TNFRSF10D: variants seen among roughly 807,000 people sequenced by gnomAD.
TNFRSF10D encodes the protein tumor necrosis factor receptor superfamily member 10D.
TNFRSF10D carries 28 observed loss-of-function variants against 42.1 expected under a neutral mutation model. The observed-to-expected ratio is 0.66, with a 90% CI of 0.49 to 0.91. The LOEUF (loss-of-function observed/expected upper bound fraction) is 0.91, where lower values mean the gene tolerates loss of function less well. Ranked by LOEUF, TNFRSF10D falls within the 40% of genes least tolerant of loss-of-function variation. The pLI is 0.00. For missense variants in TNFRSF10D, 503 were observed against 486.1 expected (o/e 1.03, Z -0.33); for synonymous variants, 186 against 189.4 (o/e 0.98, Z 0.15).
At chr8:23,147,116 T>G (rs3924519) in intron 3 of TNFRSF10D, 44 bp from the exon 4 acceptor site, 3 of 1,541,062 alleles carry the variant, frequency 1.9e-6, no homozygotes, top group Non-Finnish European at 2.7e-6. Context: ...TTCCCTGACA[T>G]GTCTGTCCAC....
At chr8:23,148,382 TC>T (rs1800156869) in intron 3 of TNFRSF10D, 55 bp downstream of exon 3, 4 of 1,408,332 alleles carry the variant, frequency 2.8e-6, no homozygotes, top group Non-Finnish European at 4.0e-6. Flanking sequence ...CGGCTACAGC[TC>T]CCACCTCATC....
At chr8:23,146,060 C>G in intron 4 of TNFRSF10D, 139 bp from the exon 5 acceptor site, 1 of 1,144,340 alleles carries the variant, frequency 8.7e-7, no homozygotes, top group South Asian at 1.4e-5. Flanking sequence ...AGTGGGTCCC[C>G]CTGTGCTCCC....
In TNFRSF10D at chr8:23,137,514, A is replaced by T. The variant is rs1814353841; in HGVS notation, c.*356T>A. On this transcript the variant is annotated 3_prime_UTR_variant, in exon 9 of 9. Coordinates refer to ENST00000312584, the MANE Select transcript of TNFRSF10D (RefSeq NM_003840.5). ...GAGATGGAGTTTCACTGTGTTGATG[A>T]GGCTGGTCTCAAACTCCCGAGCTCA... 1 of 172,734 alleles carries T rather than the reference A, an allele frequency of 5.8e-6. No homozygotes were observed. Among genetic ancestry groups the T allele is most frequent in the African/African-American group, 2.4e-5 (1 of 42,048 alleles). The allele number at this position is 172,734 out of a possible 1,614,324, so 10.7% of individuals were successfully genotyped here. A position where few individuals can be genotyped will look rare whatever the true frequency, so the allele number is the denominator to read the frequency against.
chr8:23,152,057 G>T (rs1204105300), intron 2 of TNFRSF10D, among the ~76,000 whole-genome samples: 1 of 150,298 alleles, frequency 6.7e-6, no homozygotes, highest in South Asian at 2.1e-4. Context: ...CAGTAGACCT[G>T]GTGGCTCTTG....
chr8:23,138,701 T>C (rs1175411412), intron 7 of TNFRSF10D, among the ~76,000 whole-genome samples: 2 of 152,198 alleles, frequency 1.3e-5, no homozygotes, highest in Non-Finnish European at 2.9e-5. Flanking sequence ...AGACTGTAAA[T>C]GATCTTTGAT....
intron 2 of TNFRSF10D, among the ~76,000 whole-genome samples, chr8:23,148,919 G>A (rs368227344): frequency 2.6e-5 from 4 of 151,190 alleles, no homozygotes; most frequent in South Asian, 2.1e-4. Flanking sequence ...GGCCAGGCAC[G>A]GTGGCTCACG....
chr8:23,163,115 T>C (rs1288586292), intron 1 of TNFRSF10D, among the ~76,000 whole-genome samples: 1 of 99,642 alleles, frequency 1.0e-5, no homozygotes, highest in African/African-American at 3.3e-5. Flanking sequence ...TTTTTTTTTT[T>C]TGAGACGGAG....
chr8:23,160,932 C>G (rs541312376), intron 1 of TNFRSF10D, among the ~76,000 whole-genome samples: 4 of 152,380 alleles, frequency 2.6e-5, no homozygotes, highest in South Asian at 2.1e-4. Flanking sequence ...CTCACTTGAA[C>G]TCTGGCTCCT....
intron 1 of TNFRSF10D, among the ~76,000 whole-genome samples, chr8:23,155,635 C>T (rs1251592183): frequency 6.6e-6 from 1 of 151,480 alleles, no homozygotes; most frequent in African/African-American, 2.4e-5. Flanking sequence ...AGGAGAACGG[C>T]GTGAACCCAG....
intron 7 of TNFRSF10D, among the ~76,000 whole-genome samples, chr8:23,140,159 T>A (rs921318252): frequency 3.9e-5 from 6 of 152,132 alleles, no homozygotes; most frequent in Middle Eastern, 3.4e-3. Flanking sequence ...CGTGGCAGTG[T>A]GCGCCTGTAA....
intron 1 of TNFRSF10D, among the ~76,000 whole-genome samples, chr8:23,161,250 C>T (rs1037152687): frequency 6.6e-6 from 1 of 152,250 alleles, no homozygotes; most frequent in Non-Finnish European, 1.5e-5. Context: ...AGGGGAAGCA[C>T]AGCAGGGCCC....
rs989517276 is a variant in TNFRSF10D at position 23,135,719 on chromosome 8, C to T, written c.*2151G>A. ...CAAATCAACCAACGCCAAAAAACCCCAACAATTTCATGTTGTCAGGAAGCT... is the reference window on the plus strand; with the variant it reads ...CAAATCAACCAACGCCAAAAAACCCTAACAATTTCATGTTGTCAGGAAGCT... On this transcript the variant is annotated 3_prime_UTR_variant, in exon 9 of 9. Transcript: ENST00000312584. The T allele has an allele frequency of 3.5e-6, 1 of 289,792 alleles. No individual in the cohort carries two copies. The highest frequency in any genetic ancestry group is 2.2e-5 in the African/African-American group (1 of 45,434). The allele number at this position is 289,792 out of a possible 1,614,324, so 18.0% of individuals were successfully genotyped here.
At chr8:23,162,010 C>G (rs890897338) in intron 1 of TNFRSF10D, among the ~76,000 whole-genome samples, 1 of 152,000 alleles carries the variant, frequency 6.6e-6, no homozygotes, top group Non-Finnish European at 1.5e-5. Context: ...TATATCCCAT[C>G]GGGATGGGAT....
At chr8:23,156,587 C>G (rs960853102) in intron 1 of TNFRSF10D, among the ~76,000 whole-genome samples, 2 of 148,282 alleles carry the variant, frequency 1.3e-5, no homozygotes, top group Admixed American at 1.3e-4. Context: ...TTTTTGGAGA[C>G]GGGATCTCCC....
In TNFRSF10D at chr8:23,135,854, T is replaced by C. The variant is rs7957; in HGVS notation, c.*2016A>G. On this transcript the variant is annotated 3_prime_UTR_variant, in exon 9 of 9. Transcript: ENST00000312584. ...GAGCTGGGACCGGACTGGCTCTCTCTGAGCTTTGAGACCAAGTCTCCTGCA... is the reference window on the plus strand; with the variant it reads ...GAGCTGGGACCGGACTGGCTCTCTCCGAGCTTTGAGACCAAGTCTCCTGCA... 0.22 allele frequency: 97,964 copies of C among 449,508 alleles called. 11,598 individuals carry two copies. The highest frequency in any genetic ancestry group is 0.4 in the East Asian group (5,738 of 14,298). 27.8% of individuals were successfully genotyped at this position (449,508 alleles called of 1,614,324 possible). A position where few individuals can be genotyped will look rare whatever the true frequency, so the allele number is the denominator to read the frequency against.
At position 23,144,432 on chromosome 8, in the gene TNFRSF10D, A is replaced by G; in HGVS notation, c.954+18T>C. On this transcript the variant is annotated intron_variant, in intron 7 of 8. Coordinates refer to ENST00000312584, the MANE Select transcript of TNFRSF10D (RefSeq NM_003840.5). ...GCAGGCTGCACGCCAGGCAGGGCACAGTCCCTCCTCAACTCACCAGCAGAC... is the reference window on the plus strand; with the variant it reads ...GCAGGCTGCACGCCAGGCAGGGCACGGTCCCTCCTCAACTCACCAGCAGAC... The G allele has an allele frequency of 1.2e-6, 2 of 1,610,720 alleles. No individual in the cohort carries two copies. The highest frequency in any genetic ancestry group is 2.7e-5 in the African/African-American group (2 of 75,030).
At chr8:23,156,436 C>A (rs150432100) in intron 1 of TNFRSF10D, among the ~76,000 whole-genome samples, 1 of 152,282 alleles carries the variant, frequency 6.6e-6, no homozygotes, top group Non-Finnish European at 1.5e-5. Flanking sequence ...GAAGCTAATG[C>A]ACATTTCCCA....
chr8:23,155,267 G>C (rs958421402), intron 1 of TNFRSF10D, among the ~76,000 whole-genome samples: 368 of 144,356 alleles, frequency 2.5e-3, no homozygotes, highest in African/African-American at 8.0e-3. Flanking sequence ...ATAGAGTCTT[G>C]CTATGTTGCC....
chr8:23,158,212 T>C (rs150590685), intron 1 of TNFRSF10D, among the ~76,000 whole-genome samples: 805 of 152,234 alleles, frequency 5.3e-3, no homozygotes, highest in African/African-American at 0.018. Context: ...TGCCTCTGTC[T>C]CTCCTTCTGC....
Sources: allele counts gnomAD v4.1 joint callset (sites outside exome capture counted in the v4.1 genomes callset), GRCh38; gene constraint gnomAD v4.1.1; transcripts MANE v1.5; gene names NCBI Gene and HGNC (gene_info 2026-07-23, HGNC 2026-07-21).